Variants in ASRGL1 observed in about 807,000 individuals in gnomAD.
ASRGL1 encodes the protein asparaginase and isoaspartyl peptidase 1.
Under a neutral mutation model 22.4 loss-of-function variants are expected in ASRGL1, and 16 were observed. That is an observed-to-expected ratio of 0.71 (90% CI 0.48 to 1.08). ASRGL1 has a LOEUF of 1.08. Ranked by LOEUF, ASRGL1 falls within the 50% of genes least tolerant of loss-of-function variation. The pLI, the probability that ASRGL1 is intolerant of heterozygous loss-of-function variation, is 0.00. For missense variants in ASRGL1, 412 were observed against 410.1 expected (o/e 1.00, Z -0.04); for synonymous variants, 165 against 159.3 (o/e 1.04, Z -0.27).
At chr11:62,373,307 C>G in intron 4 of ASRGL1, 1 of 619,718 alleles carries the variant, frequency 1.6e-6, no homozygotes, top group Non-Finnish European at 2.9e-6. Context: ...TTTAGACTCC[C>G]TGAGGTTCCG....
intron 4 of ASRGL1, among the ~76,000 whole-genome samples, chr11:62,375,503 A>G (rs1374865534): frequency 7.3e-6 from 1 of 136,436 alleles, no homozygotes; most frequent in African/African-American, 2.7e-5. Context: ...AACATTTTAA[A>G]TAAACGACAT....
chr11:62,358,606 T>G (rs1946361935), intron 4 of ASRGL1, among the ~76,000 whole-genome samples: 1 of 152,152 alleles, frequency 6.6e-6, no homozygotes. Context: ...TCCCTGCACT[T>G]TAAAGGACCC....
At chr11:62,347,144 A>G (rs1320259143) in intron 2 of ASRGL1, among the ~76,000 whole-genome samples, 1 of 152,118 alleles carries the variant, frequency 6.6e-6, no homozygotes, top group Non-Finnish European at 1.5e-5. Context: ...CAACCTGTAT[A>G]TCAGCTCTAA....
chr11:62,353,859 C>T (rs546672470), intron 2 of ASRGL1, among the ~76,000 whole-genome samples: 157 of 152,276 alleles, frequency 1.0e-3, no homozygotes, highest in African/African-American at 3.7e-3. Context: ...CTGCGCTGAT[C>T]AGTGTAAAGG....
chr11:62,399,243 G>A, the ASRGL1 span, among the ~76,000 whole-genome samples: 74 of 152,242 alleles, frequency 4.9e-4, no homozygotes, highest in African/African-American at 1.8e-3. Context: ...CAACATATTT[G>A]TCCACTGCTC....
At chr11:62,383,602 CAAAAAAAAAAAAAA>C (rs35096038) in intron 4 of ASRGL1, among the ~76,000 whole-genome samples, 2 of 21,902 alleles carry the variant, frequency 9.1e-5, no homozygotes, top group African/African-American at 2.1e-4. Flanking sequence ...GACTCCTACT[CAAAAAAAAAAAAAA>C]AAAAAAAAAA....
intron 2 of ASRGL1, among the ~76,000 whole-genome samples, chr11:62,345,549 G>A (rs1356477460): frequency 6.6e-6 from 1 of 152,128 alleles, no homozygotes; most frequent in African/African-American, 2.4e-5. Context: ...GATAACAGAC[G>A]TGAGCCACCA....
chr11:62,373,079 G>T, intron 4 of ASRGL1: 1 of 1,458,352 alleles, frequency 6.9e-7, no homozygotes, highest in South Asian at 1.1e-5. Context: ...CGGTCGCCAT[G>T]GGCTACTCAC....
chr11:62,391,715 GT>G, intron 6 of ASRGL1, 83 bp downstream of exon 6: 4 of 1,467,444 alleles, frequency 2.7e-6, no homozygotes, highest in Non-Finnish European at 3.6e-6. Flanking sequence ...ATGGAGAAGT[GT>G]AGGAAACCCT....
At chr11:62,363,852 C>T (rs1191209052) in intron 4 of ASRGL1, among the ~76,000 whole-genome samples, 3 of 151,914 alleles carry the variant, frequency 2.0e-5, no homozygotes, top group Non-Finnish European at 4.4e-5. Context: ...ATAGAAGTCA[C>T]GTTAAGTATA....
chr11:62,382,633 T>C (rs1947099494), intron 4 of ASRGL1: 2 of 151,898 alleles, frequency 1.3e-5, no homozygotes, highest in Non-Finnish European at 2.9e-5. Flanking sequence ...CTTTTACTAA[T>C]GCTCCTCAGC....
rs557678501 is a variant in ASRGL1 at position 62,369,681 on chromosome 11, C to T, written c.491+12537C>T. Among the ~76,000 whole-genome samples, 9 of 152,190 alleles carry T rather than the reference C, an allele frequency of 5.9e-5. No individual in the cohort carries two copies. The South Asian group carries it at 1.9e-3, about 32-fold the overall frequency. ...TGCTGATTGCCTCAGTTCCTGGTAC[C>T]AAATTTAAATGGGCTTTTGATGCTT... On this transcript the variant is annotated intron_variant, in intron 4 of 6. Coordinates refer to ENST00000415229, the MANE Select transcript of ASRGL1 (RefSeq NM_001083926.2).
chr11:62,382,941 G>C (rs1053190759), intron 4 of ASRGL1: 1 of 151,068 alleles, frequency 6.6e-6, no homozygotes, highest in East Asian at 1.9e-4. Context: ...AACACAGCAC[G>C]TCTCTGCGAC....
At chr11:62,368,134 A>T (rs1946666648) in intron 4 of ASRGL1, among the ~76,000 whole-genome samples, 1 of 152,192 alleles carries the variant, frequency 6.6e-6, no homozygotes, top group South Asian at 2.1e-4. Context: ...AAGAGACCAC[A>T]TTCACATAAC....
chr11:62,399,890 A>G, the ASRGL1 span, among the ~76,000 whole-genome samples: 1 of 152,176 alleles, frequency 6.6e-6, no homozygotes, highest in Non-Finnish European at 1.5e-5. Context: ...CTCAGCATCG[A>G]GGCTGCCCGT....
intron 2 of ASRGL1, among the ~76,000 whole-genome samples, chr11:62,353,839 C>T (rs752327667): frequency 6.6e-6 from 1 of 152,106 alleles, no homozygotes; most frequent in East Asian, 1.9e-4. Context: ...TTTATCAGGT[C>T]TTCTCTAACC....
chr11:62,341,909 G>A (rs541104526), intron 2 of ASRGL1, among the ~76,000 whole-genome samples: 9 of 152,258 alleles, frequency 5.9e-5, no homozygotes, highest in African/African-American at 1.7e-4. Context: ...CCAGGATGTC[G>A]TATGTTTGAA....
At chr11:62,352,894 T>C (rs1258470438) in intron 2 of ASRGL1, among the ~76,000 whole-genome samples, 1 of 152,186 alleles carries the variant, frequency 6.6e-6, no homozygotes, top group Admixed American at 6.5e-5. Flanking sequence ...TTATGATGTG[T>C]CTTAGTGTGA....
intron 4 of ASRGL1, among the ~76,000 whole-genome samples, chr11:62,357,738 G>A (rs1458485322): frequency 6.6e-6 from 1 of 152,012 alleles, no homozygotes; most frequent in Non-Finnish European, 1.5e-5. Flanking sequence ...ATTCAAATTA[G>A]TCATTTTCTG....
Sources: allele counts gnomAD v4.1 joint callset (sites outside exome capture counted in the v4.1 genomes callset), GRCh38; gene constraint gnomAD v4.1.1; transcripts MANE v1.5; gene names NCBI Gene and HGNC (gene_info 2026-07-23, HGNC 2026-07-21).